The following SLC35F1 variants were observed in gnomAD, a reference collection of about 807,000 sequenced individuals.
SLC35F1 encodes the protein chromosome 6 open reading frame 169.
Under a neutral mutation model 48.7 loss-of-function variants are expected in SLC35F1, and 14 were observed. The ratio of observed to expected loss-of-function variants is 0.29; its 90% CI spans 0.19 to 0.45. SLC35F1 has a LOEUF of 0.45. Ranked by LOEUF, SLC35F1 falls within the 20% of genes least tolerant of loss-of-function variation. The pLI is 1.00. For missense variants in SLC35F1, 404 were observed against 500.0 expected, an observed-to-expected ratio of 0.81 and a Z score of 1.83; for synonymous variants, 190 against 202.2, an observed-to-expected ratio of 0.94 and a Z score of 0.51.
chr6:117,943,060 T>C (rs1193635387), intron 1 of SLC35F1, among the ~76,000 whole-genome samples: 1 of 152,194 alleles, frequency 6.6e-6, no homozygotes, highest in Non-Finnish European at 1.5e-5. Flanking sequence ...AGACAATTTT[T>C]TCCTGTCAAA....
chr6:118,144,542 A>G (rs979749175), intron 1 of SLC35F1, among the ~76,000 whole-genome samples: 7 of 151,096 alleles, frequency 4.6e-5, no homozygotes, highest in Admixed American at 6.6e-5. Context: ...GCACAGGTTT[A>G]CCTGTGTAAC....
intron 1 of SLC35F1, among the ~76,000 whole-genome samples, chr6:117,926,425 G>A (rs1163977920): frequency 6.6e-6 from 1 of 152,114 alleles, no homozygotes; most frequent in Non-Finnish European, 1.5e-5. Flanking sequence ...GTAGCAGCAT[G>A]AGGATGGACT....
At chr6:118,204,310 C>T (rs1211872185) in intron 2 of SLC35F1, among the ~76,000 whole-genome samples, 1 of 152,026 alleles carries the variant, frequency 6.6e-6, no homozygotes, top group Admixed American at 6.6e-5. Context: ...ACGATGAAGA[C>T]GCAAAAGTGG....
At chr6:117,990,942 G>A (rs1176804580) in intron 1 of SLC35F1, among the ~76,000 whole-genome samples, 1 of 152,148 alleles carries the variant, frequency 6.6e-6, no homozygotes, top group Non-Finnish European at 1.5e-5. Context: ...TTCAACTTTT[G>A]AGGATTAGTG....
At chr6:118,121,470 G>C (rs1773552270) in intron 1 of SLC35F1, among the ~76,000 whole-genome samples, 4 of 152,126 alleles carry the variant, frequency 2.6e-5, no homozygotes, top group Admixed American at 2.6e-4. Context: ...CACGCCCCTA[G>C]TAAATTGCAG....
Position 118,018,482 on chromosome 6 carries a change from G to A in SLC35F1, c.173+110583G>A, listed in dbSNP as rs549452153. 1.1e-4 allele frequency among the ~76,000 whole-genome samples: 16 copies of A among 152,038 alleles called. No individual in the cohort carries two copies. The East Asian group carries it at 2.7e-3, about 26-fold the overall frequency. ...ACATATATATTCCTTTATATATATCGAAAGCATTTTGTAGATTGGCAAATT... is the reference window on the plus strand; with the variant it reads ...ACATATATATTCCTTTATATATATCAAAAGCATTTTGTAGATTGGCAAATT... On this transcript the variant is annotated intron_variant, in intron 1 of 7. Transcript: ENST00000360388.
intron 1 of SLC35F1, among the ~76,000 whole-genome samples, chr6:118,102,355 T>G (rs1339625833): frequency 6.6e-6 from 1 of 152,124 alleles, no homozygotes; most frequent in East Asian, 1.9e-4. Context: ...AGCTAAGTTT[T>G]AAATTTTTTT....
intron 1 of SLC35F1, among the ~76,000 whole-genome samples, chr6:117,924,011 G>A (rs1243953506): frequency 6.7e-6 from 1 of 150,002 alleles, no homozygotes; most frequent in Non-Finnish European, 1.5e-5. Context: ...ATACATGTGT[G>A]TACGTATATA....
intron 1 of SLC35F1, among the ~76,000 whole-genome samples, chr6:118,043,057 G>A (rs534558633): frequency 6.6e-6 from 1 of 152,232 alleles, no homozygotes; most frequent in South Asian, 2.1e-4. Flanking sequence ...TGTACTGTGC[G>A]GTTAGGATTC....
intron 1 of SLC35F1, among the ~76,000 whole-genome samples, chr6:117,961,668 C>A (rs1412223358): frequency 6.6e-6 from 1 of 152,290 alleles, no homozygotes; most frequent in African/African-American, 2.4e-5. Context: ...TTTCTTTAAT[C>A]TAGCTATTAG....
chr6:118,260,022 A>G (rs1229111460), intron 3 of SLC35F1, among the ~76,000 whole-genome samples: 2 of 152,164 alleles, frequency 1.3e-5, no homozygotes, highest in Non-Finnish European at 2.9e-5. Context: ...ATATCCATAC[A>G]GTGCAATATT....
intron 1 of SLC35F1, among the ~76,000 whole-genome samples, chr6:118,075,274 A>G (rs1772802178): frequency 6.6e-6 from 1 of 152,206 alleles, no homozygotes; most frequent in South Asian, 2.1e-4. Flanking sequence ...TTTCTTCAGT[A>G]ATTTTTATTA....
At chr6:118,199,960 T>G (rs1336479844) in intron 2 of SLC35F1, among the ~76,000 whole-genome samples, 2 of 152,142 alleles carry the variant, frequency 1.3e-5, no homozygotes, top group East Asian at 1.9e-4. Flanking sequence ...TTTTAAAAAT[T>G]TTTAAATTTA....
chr6:117,992,825 C>T (rs964065753), intron 1 of SLC35F1, among the ~76,000 whole-genome samples: 12 of 152,182 alleles, frequency 7.9e-5, no homozygotes, highest in Admixed American at 5.9e-4. Flanking sequence ...ATCAGTATCT[C>T]TGAAGAGTAC....
intron 1 of SLC35F1, among the ~76,000 whole-genome samples, chr6:118,075,964 T>C (rs767566745): frequency 3.9e-5 from 6 of 152,164 alleles, no homozygotes; most frequent in Non-Finnish European, 7.4e-5. Context: ...ACAGCTTCCA[T>C]GTGGATGAAG....
At chr6:118,061,463 T>C (rs1772534814) in intron 1 of SLC35F1, among the ~76,000 whole-genome samples, 1 of 152,056 alleles carries the variant, frequency 6.6e-6, no homozygotes, top group Non-Finnish European at 1.5e-5. Flanking sequence ...CTTGATAGCA[T>C]CAAACAAACA....
intron 1 of SLC35F1, among the ~76,000 whole-genome samples, chr6:118,038,884 A>G (rs1431148705): frequency 1.3e-5 from 2 of 152,112 alleles, no homozygotes; most frequent in African/African-American, 4.8e-5. Flanking sequence ...AGCCTCCCAA[A>G]TCACTGGGAT....
intron 1 of SLC35F1, among the ~76,000 whole-genome samples, chr6:117,915,308 T>C (rs1379779873): frequency 6.6e-6 from 1 of 152,236 alleles, no homozygotes; most frequent in Non-Finnish European, 1.5e-5. Flanking sequence ...TGTATGTTTT[T>C]CTTCTAATAA....
chr6:118,171,688 A>G (rs1774406359), intron 2 of SLC35F1, among the ~76,000 whole-genome samples: 1 of 152,112 alleles, frequency 6.6e-6, no homozygotes, highest in South Asian at 2.1e-4. Flanking sequence ...AAAATATTTT[A>G]TTGTTTTATA....
Sources: allele counts gnomAD v4.1 joint callset (sites outside exome capture counted in the v4.1 genomes callset), GRCh38; gene constraint gnomAD v4.1.1; transcripts MANE v1.5; gene names NCBI Gene and HGNC (gene_info 2026-07-23, HGNC 2026-07-21).